The following MEF2C variants were observed in gnomAD, a reference collection of about 807,000 sequenced individuals.
The protein encoded by MEF2C is myocyte enhancer factor 2C.
Under a neutral mutation model 50.5 loss-of-function variants are expected in MEF2C, and 6 were observed. The ratio of observed to expected loss-of-function variants is 0.12; its 90% confidence interval spans 0.07 to 0.23. The LOEUF is 0.23. MEF2C is among the 10% of genes least tolerant of loss of function. MEF2C has a pLI of 1.00. For missense variants in MEF2C, 276 were observed against 605.0 expected (o/e 0.46, Z 5.70); for synonymous variants, 183 against 228.0 (o/e 0.80, Z 1.78).
intron 3 of MEF2C, among the ~76,000 whole-genome samples, chr5:88,768,097 G>T (rs933739775): frequency 5.3e-5 from 8 of 152,122 alleles, no homozygotes; most frequent in African/African-American, 1.9e-4. Flanking sequence ...GATCGCTCAG[G>T]CTGAATCAGT....
chr5:88,755,561 G>T (rs1774895128), intron 4 of MEF2C, among the ~76,000 whole-genome samples: 1 of 151,550 alleles, frequency 6.6e-6, no homozygotes, highest in East Asian at 1.9e-4. Flanking sequence ...AAATGTGGGT[G>T]AGTATCTACA....
intron 2 of MEF2C, among the ~76,000 whole-genome samples, chr5:88,818,362 GA>G (rs989709853): frequency 1.3e-5 from 2 of 151,826 alleles, no homozygotes; most frequent in Admixed American, 6.6e-5. Flanking sequence ...AAGTGTCACA[GA>G]AAAAAATCTG....
At chr5:88,829,352 C>G (rs750943421) in intron 1 of MEF2C, among the ~76,000 whole-genome samples, 2 of 151,978 alleles carry the variant, frequency 1.3e-5, no homozygotes, top group Non-Finnish European at 2.9e-5. Context: ...TCGAATTTCC[C>G]TCTCATAAGA....
At chr5:88,776,024 C>A (rs1784581842) in intron 3 of MEF2C, 1 of 157,538 alleles carries the variant, frequency 6.3e-6, no homozygotes, top group South Asian at 2.0e-4. Flanking sequence ...ATTTCATAAA[C>A]TTAAGGAAAT....
chr5:88,870,728 G>A (rs1412226526), intron 1 of MEF2C, among the ~76,000 whole-genome samples: 1 of 151,916 alleles, frequency 6.6e-6, no homozygotes, highest in African/African-American at 2.4e-5. Context: ...TCCGGTTTTG[G>A]GTTATTTCTT....
At chr5:88,861,737 A>G (rs1428307491) in intron 1 of MEF2C, among the ~76,000 whole-genome samples, 1 of 152,186 alleles carries the variant, frequency 6.6e-6, no homozygotes, top group Non-Finnish European at 1.5e-5. Flanking sequence ...GAGGGTTTTC[A>G]GTTGTATTTA....
At chr5:88,776,319 A>G (rs1026716703) in intron 3 of MEF2C, among the ~76,000 whole-genome samples, 1 of 152,174 alleles carries the variant, frequency 6.6e-6, no homozygotes, top group Admixed American at 6.5e-5. Flanking sequence ...TAATTAACAT[A>G]TCTATCACCT....
chr5:88,784,029 T>C (rs1789550787), intron 3 of MEF2C, among the ~76,000 whole-genome samples: 1 of 152,192 alleles, frequency 6.6e-6, no homozygotes, highest in Non-Finnish European at 1.5e-5. Context: ...ATAACAAAAA[T>C]CTTGAATGCT....
intron 1 of MEF2C, among the ~76,000 whole-genome samples, chr5:88,832,709 A>C (rs534188087): frequency 6.6e-5 from 10 of 152,170 alleles, no homozygotes; most frequent in African/African-American, 2.2e-4. Flanking sequence ...GAATATTTTG[A>C]TGTCAAAGCA....
At chr5:88,732,663 A>AGAAAAGTG (rs1443166385) in intron 6 of MEF2C, 1 of 152,226 alleles carries the variant, frequency 6.6e-6, no homozygotes, top group Non-Finnish European at 1.5e-5. Flanking sequence ...TCCTACTAAC[A>AGAAAAGTG]GAAAAGTGGG....
intron 2 of MEF2C, among the ~76,000 whole-genome samples, chr5:88,814,623 T>TAG (rs1804479028): frequency 6.6e-6 from 1 of 152,020 alleles, no homozygotes; most frequent in Non-Finnish European, 1.5e-5. Flanking sequence ...ATAAGGGGCT[T>TAG]AGAGTGTGGA....
At chr5:88,737,409 G>T (rs1187208680) in intron 6 of MEF2C, 1 of 985,194 alleles carries the variant, frequency 1.0e-6, no homozygotes, top group African/African-American at 1.7e-5. Context: ...CATTACCTTA[G>T]CTAACTGCAA....
At chr5:88,780,673 T>C (rs1218859893) in intron 3 of MEF2C, 2 of 776,838 alleles carry the variant, frequency 2.6e-6, no homozygotes, top group Non-Finnish European at 3.1e-6. Flanking sequence ...ACAACATATA[T>C]ATTTCACTGT....
At chr5:88,888,725 T>TTG (rs1834233953) in intron 1 of MEF2C, among the ~76,000 whole-genome samples, 1 of 152,072 alleles carries the variant, frequency 6.6e-6, no homozygotes, top group Non-Finnish European at 1.5e-5. Flanking sequence ...GTAAGGTTTT[T>TTG]TTTTTTTTTT....
chr5:88,873,490 A>T (rs186220438), intron 1 of MEF2C, among the ~76,000 whole-genome samples: 140 of 152,170 alleles, frequency 9.2e-4, no homozygotes, highest in African/African-American at 3.3e-3. Flanking sequence ...AACGGAAGGA[A>T]AAAACACTGA....
intron 1 of MEF2C, among the ~76,000 whole-genome samples, chr5:88,875,598 A>T (rs1830803788): frequency 6.6e-6 from 1 of 151,958 alleles, no homozygotes; most frequent in African/African-American, 2.4e-5. Context: ...TGTTTTATGT[A>T]TTCTAAACTG....
intron 4 of MEF2C, among the ~76,000 whole-genome samples, chr5:88,754,837 T>C (rs1774536487): frequency 6.6e-6 from 1 of 152,224 alleles, no homozygotes; most frequent in Admixed American, 6.5e-5. Context: ...AGAATTTTTT[T>C]CTTCCAAGGG....
At chr5:88,743,378 C>G in intron 6 of MEF2C, 1 of 985,224 alleles carries the variant, frequency 1.0e-6, no homozygotes, top group Non-Finnish European at 1.2e-6. Context: ...AGAAAGTCAG[C>G]CAAGAAATTT....
chr5:88,730,772 A>C (rs993582322), intron 7 of MEF2C, among the ~76,000 whole-genome samples: 1 of 152,204 alleles, frequency 6.6e-6, no homozygotes, highest in Non-Finnish European at 1.5e-5. Context: ...GATATTCAAA[A>C]TTAATCTGCA....
Sources: gnomAD v4.1 joint callset for allele counts (sites outside exome capture counted in the v4.1 genomes callset) on GRCh38, gnomAD v4.1.1 for gene constraint, MANE v1.5 for transcripts, NCBI Gene and HGNC (gene_info 2026-07-23, HGNC 2026-07-21) for gene names.